ZFP2: variants seen among roughly 807,000 people sequenced by gnomAD.
ZFP2 encodes the protein ZFP2 zinc finger protein, also known as zinc finger protein ZFP2.
ZFP2 carries 33 observed loss-of-function variants against 36.1 expected under a neutral mutation model. The observed-to-expected ratio is 0.92, with a 90% CI of 0.69 to 1.22. ZFP2 has a LOEUF of 1.22. Among genes scored for constraint, ZFP2 ranks in the 50% most tolerant of loss-of-function variants. The pLI is 0.00. For synonymous variants in ZFP2, 170 were observed against 178.0 expected, an observed-to-expected ratio of 0.96 and a Z score of 0.36; for missense variants, 522 against 551.4, an observed-to-expected ratio of 0.95 and a Z score of 0.53.
chr5:178,910,957 T>G (rs1356367165), intron 1 of ZFP2, among the ~76,000 whole-genome samples: 1 of 152,188 alleles, frequency 6.6e-6, no homozygotes, highest in Non-Finnish European at 1.5e-5. Flanking sequence ...GAACCATTGG[T>G]GTTTGTCACT....
chr5:178,905,006 T>A (rs1758139955), intron 1 of ZFP2, among the ~76,000 whole-genome samples: 1 of 152,112 alleles, frequency 6.6e-6, no homozygotes, highest in Non-Finnish European at 1.5e-5. Flanking sequence ...CGGCCCATTT[T>A]GGTATTTCGT....
At chr5:178,911,580 G>C (rs560491556) in intron 1 of ZFP2, among the ~76,000 whole-genome samples, 63 of 152,298 alleles carry the variant, frequency 4.1e-4, no homozygotes, top group African/African-American at 1.4e-3. Context: ...TACGTTATTA[G>C]TAAGGCTTCC....
chr5:178,912,726 ACTT>A lies in ZFP2; in HGVS notation c.-314+11_-314+13del, dbSNP rs1487454216. The A allele has an allele frequency of 1.9e-6, 2 of 1,062,650 alleles. No homozygotes were observed. Among genetic ancestry groups the A allele is most frequent in the African/African-American group, 1.7e-5 (1 of 59,150 alleles). The allele number at this position is 1,062,650 out of a possible 1,614,324, so 65.8% of individuals were successfully genotyped here. Reference sequence around the variant, plus strand: ...AGGAACCCGGTCTCACTGGGTAAGGACTTCTTGTAACTCAAAACCCACCTCTTG... The same window carrying A: ...AGGAACCCGGTCTCACTGGGTAAGGACTTGTAACTCAAAACCCACCTCTTG... On this transcript the variant is annotated splice_region_variant and intron_variant, in intron 2 of 4. Transcript: ENST00000361362.
chr5:178,914,363 A>G (rs975501775), intron 3 of ZFP2, among the ~76,000 whole-genome samples: 1 of 152,174 alleles, frequency 6.6e-6, no homozygotes, highest in Admixed American at 6.5e-5. Flanking sequence ...CACTGGGTCA[A>G]AGGATATATC....
intron 4 of ZFP2, among the ~76,000 whole-genome samples, chr5:178,919,687 T>C (rs1267780063): frequency 6.6e-6 from 1 of 152,168 alleles, no homozygotes; most frequent in Admixed American, 6.5e-5. Flanking sequence ...TGGCTGGGCA[T>C]AGTGGTTCAC....
chr5:178,899,071 G>C (rs1170895506), intron 1 of ZFP2, among the ~76,000 whole-genome samples: 1 of 152,130 alleles, frequency 6.6e-6, no homozygotes, highest in Non-Finnish European at 1.5e-5. Context: ...GATCAGGGTG[G>C]TGGCCAGGAG....
Position 178,932,305 on chromosome 5 carries a change from G to T in ZFP2, c.992G>T (p.Cys331Phe). 6.2e-7 allele frequency: 1 copy of T among 1,614,202 alleles called. No individual in the cohort carries two copies. Among genetic ancestry groups the T allele is most frequent in the Non-Finnish European group, 8.5e-7 (1 of 1,180,026 alleles). ...SGVKPFECNECGKAFSKNSSL... is the reference protein window; with the variant it reads ...SGVKPFECNEFGKAFSKNSSL... ...GTAAAACCTTTTGAATGTAACGAGT[G>T]TGGAAAAGCTTTCAGTAAGAATTCA... Residue 331 changes from cysteine (C) to phenylalanine (F), a missense_variant, in exon 5 of 5, where the codon TGT becomes TTT. Transcript: ENST00000361362.
At chr5:178,918,607 A>T (rs1386406213) in intron 4 of ZFP2, among the ~76,000 whole-genome samples, 1 of 152,190 alleles carries the variant, frequency 6.6e-6, no homozygotes, top group African/African-American at 2.4e-5. Flanking sequence ...AGAGTTATAT[A>T]AATCCTATAA....
chr5:178,909,271 A>T (rs1002179799), intron 1 of ZFP2, among the ~76,000 whole-genome samples: 1 of 152,242 alleles, frequency 6.6e-6, no homozygotes, highest in Non-Finnish European at 1.5e-5. Context: ...GTTCGATTGT[A>T]TCGTAAACTA....
At position 178,932,622 on chromosome 5, in the gene ZFP2, C is replaced by A; in HGVS notation, c.1309C>A (p.Pro437Thr). 1.2e-6 allele frequency: 2 copies of A among 1,614,094 alleles called. No individual in the cohort carries two copies. Among genetic ancestry groups the A allele is most frequent in the Non-Finnish European group, 1.7e-6 (2 of 1,180,012 alleles). The change falls in exon 5 of 5, where the codon CCC (proline) becomes ACC (threonine). Residue 437 changes from proline to threonine, a missense_variant. Pro to Thr is a conservative substitution (Grantham distance 38). Transcript: ENST00000361362. ...VHQRTHTGEK[P>T]YQCNECGKAF... is the part of the protein sequence containing the mutation. ...TCAGAGAACTCATACAGGAGAGAAA[C>A]CCTATCAGTGTAATGAATGCGGAAA...
At chr5:178,930,044 T>G (rs527283692) in intron 4 of ZFP2, among the ~76,000 whole-genome samples, 1 of 151,334 alleles carries the variant, frequency 6.6e-6, no homozygotes, top group East Asian at 2.0e-4. Context: ...TGTTACACAC[T>G]TGTAAATAAC....
chr5:178,922,366 T>C lies in ZFP2; in HGVS notation c.-78+5656T>C, dbSNP rs1167746043. 7 of 1,077,244 alleles carry C rather than the reference T, an allele frequency of 6.5e-6. 1 individual carries two copies. Among genetic ancestry groups the C allele is most frequent in the Non-Finnish European group, 1.0e-5 (7 of 692,422 alleles). The allele number at this position is 1,077,244 out of a possible 1,614,324, so 66.7% of individuals were successfully genotyped here. On this transcript the variant is annotated intron_variant, in intron 4 of 4. Coordinates refer to ENST00000361362, the MANE Select transcript of ZFP2 (RefSeq NM_030613.4). ...CCTTTCATGTAATTTTTGTTCTATA[T>C]GGAGCACCACTAATAGAGTTGGCAT...
intron 4 of ZFP2, among the ~76,000 whole-genome samples, chr5:178,926,656 A>G (rs34797550): frequency 0.26 from 40,258 of 151,970 alleles, 5,957 homozygotes; most frequent in East Asian, 0.49. Flanking sequence ...AGCTGGGACT[A>G]CAGGTGTGTG....
At chr5:178,902,352 C>T (rs1362251128) in intron 1 of ZFP2, among the ~76,000 whole-genome samples, 2 of 152,296 alleles carry the variant, frequency 1.3e-5, no homozygotes, top group Middle Eastern at 3.4e-3. Flanking sequence ...AAACTTACAT[C>T]GATACAATAC....
chr5:178,919,149 T>A (rs1371868906), intron 4 of ZFP2, among the ~76,000 whole-genome samples: 9 of 145,080 alleles, frequency 6.2e-5, no homozygotes, highest in African/African-American at 1.8e-4. Flanking sequence ...GTATTCTTGG[T>A]GCAATGCTAA....
rs1758878532 is a variant in ZFP2 at position 178,932,880 on chromosome 5, G to A, written c.*181G>A. 1 of 778,930 alleles carries A rather than the reference G, an allele frequency of 1.3e-6. No individual in the cohort carries two copies. The highest frequency in any genetic ancestry group is 1.8e-5 in the African/African-American group (1 of 56,750). 48.3% of individuals were successfully genotyped at this position (778,930 alleles called of 1,614,324 possible). On this transcript the variant is annotated 3_prime_UTR_variant, in exon 5 of 5. Coordinates refer to ENST00000361362, the MANE Select transcript of ZFP2 (RefSeq NM_030613.4). ...CTAAAAGTAGAGAAATCTTGATTCA[G>A]AATGTATAATTTCCTTTATATCAGA...
intron 1 of ZFP2, among the ~76,000 whole-genome samples, chr5:178,903,169 A>G (rs942654819): frequency 3.9e-5 from 6 of 152,230 alleles, no homozygotes; most frequent in African/African-American, 1.4e-4. Context: ...ATGGAATGCA[A>G]TTACGAAGTA....
chr5:178,899,880 T>A (rs370480458), intron 1 of ZFP2, among the ~76,000 whole-genome samples: 1 of 152,148 alleles, frequency 6.6e-6, no homozygotes, highest in Admixed American at 6.5e-5. Flanking sequence ...GGTCGTTGAT[T>A]TATTAGGATC....
intron 1 of ZFP2, among the ~76,000 whole-genome samples, chr5:178,896,837 A>C (rs1235375178): frequency 6.6e-6 from 1 of 152,182 alleles, no homozygotes; most frequent in Non-Finnish European, 1.5e-5. Flanking sequence ...GAAGTGCACA[A>C]ATCTTAAGCC....
Sources: gnomAD v4.1 joint callset for allele counts (sites outside exome capture counted in the v4.1 genomes callset) on GRCh38, gnomAD v4.1.1 for gene constraint, MANE v1.5 for transcripts, NCBI Gene and HGNC (gene_info 2026-07-23, HGNC 2026-07-21) for gene names.